Variants in CSF1R observed in about 807,000 individuals in gnomAD.
The protein encoded by CSF1R is colony stimulating factor 1 receptor, also known as macrophage colony-stimulating factor 1 receptor.
In CSF1R, 40 loss-of-function variants were observed where a neutral mutation model predicts 110.0. The observed-to-expected ratio is 0.36, with a 90% CI of 0.28 to 0.47. The LOEUF (loss-of-function observed/expected upper bound fraction) is 0.47. Ranked by LOEUF, CSF1R falls within the 20% of genes least tolerant of loss-of-function variation. The pLI is 0.99. For synonymous variants in CSF1R, 523 were observed against 503.4 expected (o/e 1.04, Z -0.52); for missense variants, 1,052 against 1,253.0 (o/e 0.84, Z 2.42).
upstream of CSF1R, among the ~76,000 whole-genome samples, chr5:150,087,702 T>A (rs1314854655): frequency 6.6e-6 from 1 of 152,162 alleles, no homozygotes; most frequent in African/African-American, 2.4e-5. Context: ...TTACTTCTTA[T>A]CTCTAAAGAA....
intron 1 of CSF1R, among the ~76,000 whole-genome samples, chr5:150,099,501 GATAA>G (rs924872660): frequency 1.6e-4 from 24 of 152,272 alleles, no homozygotes; most frequent in African/African-American, 5.1e-4. Context: ...CTGTTAAATG[GATAA>G]ATAAACTGTG....
chr5:150,088,196 C>T (rs1758920283), upstream of CSF1R, among the ~76,000 whole-genome samples: 1 of 151,896 alleles, frequency 6.6e-6, no homozygotes, highest in African/African-American at 2.4e-5. Context: ...TGTTTTGAAC[C>T]TTTAGCAATC....
At chr5:150,081,264 G>T (rs1466839343) in intron 1 of CSF1R, among the ~76,000 whole-genome samples, 4 of 152,156 alleles carry the variant, frequency 2.6e-5, no homozygotes, top group African/African-American at 9.7e-5. Context: ...CTTGCAGCTT[G>T]CTCAGCCTCT....
At chr5:150,068,865 G>A (rs957175230) in intron 9 of CSF1R, among the ~76,000 whole-genome samples, 4 of 152,216 alleles carry the variant, frequency 2.6e-5, no homozygotes, top group South Asian at 2.1e-4. Flanking sequence ...TAGTTCTAGT[G>A]ATGTTTTGGA....
chr5:150,082,802 T>C (rs576558071), intron 1 of CSF1R, among the ~76,000 whole-genome samples: 1 of 152,378 alleles, frequency 6.6e-6, no homozygotes, highest in Non-Finnish European at 1.5e-5. Context: ...AGTGAGATGA[T>C]GTATAGAACT....
intron 1 of CSF1R, among the ~76,000 whole-genome samples, chr5:150,109,353 G>A (rs1319345743): frequency 6.6e-6 from 1 of 152,172 alleles, no homozygotes; most frequent in Non-Finnish European, 1.5e-5. Flanking sequence ...GAGGGACTGG[G>A]GCAGAGCAGG....
intron 1 of CSF1R, among the ~76,000 whole-genome samples, chr5:150,111,526 T>C (rs757835945): frequency 2.0e-5 from 3 of 152,244 alleles, no homozygotes; most frequent in Non-Finnish European, 4.4e-5. Flanking sequence ...CTTTCCTTTC[T>C]CATCCAGTCC....
chr5:150,112,309 C>A (rs1759744387), intron 1 of CSF1R, among the ~76,000 whole-genome samples: 1 of 152,252 alleles, frequency 6.6e-6, no homozygotes, highest in African/African-American at 2.4e-5. Context: ...GGACTCAGGT[C>A]ACTGGGCTTT....
At chr5:150,086,339 A>T in intron 1 of CSF1R, 40 bp downstream of exon 1, 3 of 1,573,280 alleles carry the variant, frequency 1.9e-6, no homozygotes, top group Non-Finnish European at 2.6e-6. Context: ...CTTCTCCATC[A>T]CACCCCAACA....
intron 1 of CSF1R, among the ~76,000 whole-genome samples, chr5:150,108,372 C>G (rs1034860062): frequency 6.6e-6 from 1 of 151,978 alleles, no homozygotes; most frequent in African/African-American, 2.4e-5. Context: ...GGGCAGAGGT[C>G]AGGAAGCTAG....
intron 12 of CSF1R, 46 bp downstream of exon 12, chr5:150,061,445 C>A: frequency 1.5e-6 from 1 of 660,324 alleles, no homozygotes. Flanking sequence ...CCACCCCCAG[C>A]ATCTACCACC....
chr5:150,070,178 T>G lies in CSF1R; in HGVS notation c.1319+4A>C, dbSNP rs1305288126. On this transcript the variant is annotated splice_donor_region_variant and intron_variant, in intron 8 of 20. Transcript: ENST00000675795. ...GGTGAGGGAGGTGAGTGGAGCCCAC[T>G]TACCTATCAGTGTGGCCACTGCACT... The G allele has an allele frequency of 6.2e-7, 1 of 1,613,568 alleles. No homozygotes were observed. The highest frequency in any genetic ancestry group is 1.1e-5 in the South Asian group (1 of 91,004).
At chr5:150,088,816 G>T (rs1447338473), upstream of CSF1R, among the ~76,000 whole-genome samples, 1 of 152,124 alleles carries the variant, frequency 6.6e-6, no homozygotes, top group African/African-American at 2.4e-5. Flanking sequence ...TTACAGGCGT[G>T]AGCCACTGCA....
intron 16 of CSF1R, 137 bp from the exon 17 acceptor site, chr5:150,056,478 C>G (rs1006538445): frequency 9.4e-7 from 1 of 1,061,582 alleles, no homozygotes; most frequent in Non-Finnish European, 1.4e-6. Flanking sequence ...TTACCACAAA[C>G]CCTTGTCTAT....
intron 9 of CSF1R, among the ~76,000 whole-genome samples, chr5:150,069,365 C>G (rs114318211): frequency 3.9e-5 from 6 of 152,146 alleles, no homozygotes; most frequent in Non-Finnish European, 8.8e-5. Context: ...CATCATCCCC[C>G]GGGGCAGCCT....
chr5:150,106,853 T>C (rs1460234251), intron 1 of CSF1R, among the ~76,000 whole-genome samples: 1 of 152,232 alleles, frequency 6.6e-6, no homozygotes, highest in African/African-American at 2.4e-5. Context: ...TTTGCCTGAC[T>C]GAGTCCCTGT....
chr5:150,067,296 G>C (rs1168274462), intron 10 of CSF1R: 2 of 152,138 alleles, frequency 1.3e-5, no homozygotes, highest in Non-Finnish European at 2.9e-5. Context: ...GGTAAAATAA[G>C]ATGAGTCAAT....
intron 1 of CSF1R, among the ~76,000 whole-genome samples, chr5:150,083,665 T>A (rs1008564725): frequency 1.3e-5 from 2 of 151,582 alleles, no homozygotes; most frequent in African/African-American, 4.9e-5. Context: ...AAATAAAAAC[T>A]TGGGACCCTA....
intron 9 of CSF1R, among the ~76,000 whole-genome samples, chr5:150,068,727 T>G (rs1370387062): frequency 6.6e-6 from 1 of 152,176 alleles, no homozygotes; most frequent in Non-Finnish European, 1.5e-5. Context: ...GAGGTCACAC[T>G]GCAACCTTCC....
Sources: gnomAD v4.1 joint callset for allele counts (sites outside exome capture counted in the v4.1 genomes callset) on GRCh38, gnomAD v4.1.1 for gene constraint, MANE v1.5 for transcripts, NCBI Gene and HGNC (gene_info 2026-07-23, HGNC 2026-07-21) for gene names.